MAML2: variants seen among roughly 807,000 people sequenced by gnomAD.
MAML2 encodes the protein mastermind like transcriptional coactivator 2.
Under a neutral mutation model 96.1 loss-of-function variants are expected in MAML2, and 22 were observed. The ratio of observed to expected loss-of-function variants is 0.23; its 90% CI spans 0.16 to 0.33. The LOEUF (loss-of-function observed/expected upper bound fraction) is 0.33. Ranked by LOEUF, MAML2 falls within the 10% of genes least tolerant of loss-of-function variation. MAML2 has a pLI of 1.00. For missense variants in MAML2, 1,367 were observed against 1,392.4 expected (o/e 0.98, Z 0.29); for synonymous variants, 561 against 521.3 (o/e 1.08, Z -1.04).
At chr11:96,175,800 C>T (rs1861378056) in intron 1 of MAML2, among the ~76,000 whole-genome samples, 1 of 152,056 alleles carries the variant, frequency 6.6e-6, no homozygotes, top group African/African-American at 2.4e-5. Flanking sequence ...CGGGGTTTCA[C>T]CATGTTGGTC....
intron 2 of MAML2, among the ~76,000 whole-genome samples, chr11:96,067,947 A>G (rs113316035): frequency 1.7e-4 from 26 of 152,318 alleles, no homozygotes; most frequent in African/African-American, 6.3e-4. Context: ...TGGTGATAGA[A>G]TCAAACATGT....
At chr11:96,040,367 C>A (rs924688596) in intron 2 of MAML2, among the ~76,000 whole-genome samples, 1 of 152,076 alleles carries the variant, frequency 6.6e-6, no homozygotes, top group African/African-American at 2.4e-5. Flanking sequence ...AATACACACA[C>A]AGAAAAGTAT....
chr11:96,184,621 ACT>A (rs1005096299), intron 1 of MAML2, among the ~76,000 whole-genome samples: 78 of 135,866 alleles, frequency 5.7e-4, no homozygotes, highest in Non-Finnish European at 3.4e-4. Flanking sequence ...GATGAGTCTC[ACT>A]CTGTTTCCCA....
intron 2 of MAML2, among the ~76,000 whole-genome samples, chr11:96,060,018 A>G (rs1859130539): frequency 6.6e-6 from 1 of 152,226 alleles, no homozygotes; most frequent in Non-Finnish European, 1.5e-5. Context: ...AAGATGTTCA[A>G]TAAGCTAGTG....
chr11:95,980,001 C>A (rs1244300009), intron 4 of MAML2, 38 bp from the exon 5 acceptor site: 1 of 1,517,666 alleles, frequency 6.6e-7, no homozygotes, highest in South Asian at 1.3e-5. Context: ...TTCGTAGCAG[C>A]ATGTTATCTC....
chr11:96,277,567 C>A (rs961964200), intron 1 of MAML2, among the ~76,000 whole-genome samples: 1 of 151,886 alleles, frequency 6.6e-6, no homozygotes, highest in Non-Finnish European at 1.5e-5. Flanking sequence ...GCCTGGCCAA[C>A]ATGGTGAAAC....
chr11:96,328,885 C>T (rs1863819538), intron 1 of MAML2, among the ~76,000 whole-genome samples: 1 of 152,126 alleles, frequency 6.6e-6, no homozygotes. Context: ...TCTTGACTCT[C>T]TTTTATAGTT....
At chr11:96,208,210 C>A (rs1044484365) in intron 1 of MAML2, among the ~76,000 whole-genome samples, 1 of 152,220 alleles carries the variant, frequency 6.6e-6, no homozygotes, top group Admixed American at 6.5e-5. Context: ...GGGCATTAGA[C>A]TCCTCCAATG....
chr11:96,070,574 C>T (rs1047839300), intron 2 of MAML2, among the ~76,000 whole-genome samples: 3 of 152,244 alleles, frequency 2.0e-5, no homozygotes, highest in African/African-American at 7.2e-5. Flanking sequence ...AGAGCTGGTA[C>T]CTGTGTAGGC....
At chr11:96,143,769 T>A (rs1008542495) in intron 1 of MAML2, among the ~76,000 whole-genome samples, 2 of 152,208 alleles carry the variant, frequency 1.3e-5, no homozygotes, top group African/African-American at 4.8e-5. Context: ...AACCATTTAA[T>A]CACAATCTCC....
At chr11:96,136,846 A>G (rs1418225061) in intron 1 of MAML2, among the ~76,000 whole-genome samples, 1 of 152,208 alleles carries the variant, frequency 6.6e-6, no homozygotes, top group Non-Finnish European at 1.5e-5. Context: ...CAGAGAAGAG[A>G]ACTGAATCAA....
chr11:96,083,986 G>C (rs947054863), intron 2 of MAML2, among the ~76,000 whole-genome samples: 1 of 152,162 alleles, frequency 6.6e-6, no homozygotes, highest in Non-Finnish European at 1.5e-5. Context: ...AGAAAATTTA[G>C]GATTAGGTTA....
At chr11:96,160,574 C>G (rs987369129) in intron 1 of MAML2, among the ~76,000 whole-genome samples, 6 of 152,026 alleles carry the variant, frequency 3.9e-5, no homozygotes, top group African/African-American at 1.5e-4. Context: ...ATTACAGGCG[C>G]CTGCCACTAT....
rs181285611 is a variant in MAML2, at chr11:96,083,880, G to C, written c.2139+8012C>G. Among the ~76,000 whole-genome samples, 3 of 152,266 alleles carry C rather than the reference G, an allele frequency of 2.0e-5. No homozygotes were observed. In the East Asian group the frequency reaches 5.8e-4, roughly 29 times the overall value. On this transcript the variant is annotated intron_variant, in intron 2 of 4. Transcript: ENST00000524717. The stretch of plus-strand genomic sequence containing the variant: ...GGTAATCCATGCTCAAAGAGAAGAA[G>C]CAGAGGGAGCTACCAGACCATATAG...
chr11:96,191,675 G>A (rs1861655490), intron 1 of MAML2, among the ~76,000 whole-genome samples: 1 of 150,448 alleles, frequency 6.6e-6, no homozygotes, highest in Admixed American at 6.7e-5. Context: ...GGGAAGCTGA[G>A]GCAGGAGAAA....
intron 2 of MAML2, among the ~76,000 whole-genome samples, chr11:96,048,198 T>C (rs562556377): frequency 2.0e-5 from 3 of 152,282 alleles, no homozygotes; most frequent in Admixed American, 2.0e-4. Flanking sequence ...TTTTAAAAGG[T>C]TGCTGACACC....
chr11:96,033,261 C>T (rs950875055), intron 2 of MAML2, among the ~76,000 whole-genome samples: 19 of 152,182 alleles, frequency 1.2e-4, no homozygotes, highest in Admixed American at 8.5e-4. Context: ...CCCTTACCTG[C>T]CCTGGGGACA....
chr11:96,164,901 A>C (rs557495033), intron 1 of MAML2, among the ~76,000 whole-genome samples: 1 of 152,334 alleles, frequency 6.6e-6, no homozygotes, highest in East Asian at 1.9e-4. Flanking sequence ...CTCTTCATTG[A>C]ACTTGTGCAA....
At chr11:96,196,252 CA>C (rs767696315) in intron 1 of MAML2, among the ~76,000 whole-genome samples, 127 of 152,218 alleles carry the variant, frequency 8.3e-4, no homozygotes, top group Middle Eastern at 6.8e-3. Flanking sequence ...TTGCAGTGAT[CA>C]GGAAGATAAA....
Sources: gnomAD v4.1 joint callset for allele counts (sites outside exome capture counted in the v4.1 genomes callset) on GRCh38, gnomAD v4.1.1 for gene constraint, MANE v1.5 for transcripts, NCBI Gene and HGNC (gene_info 2026-07-23, HGNC 2026-07-21) for gene names.